The following MSH6 variants were observed in gnomAD, a reference collection of about 807,000 sequenced individuals.
MSH6 encodes the protein DNA mismatch repair protein Msh6.
MSH6 carries 85 observed loss-of-function variants against 119.1 expected under a neutral mutation model. That is an observed-to-expected ratio of 0.71 (90% CI 0.60 to 0.85). The LOEUF is 0.85. Among genes scored for constraint, MSH6 ranks in the 40% least tolerant of loss-of-function variants. MSH6 has a pLI of 0.00. For missense variants in MSH6, 2,163 were observed against 1,655.3 expected (o/e 1.31, Z -5.32); for synonymous variants, 830 against 586.9 (o/e 1.41, Z -5.99).
downstream of MSH6, chr2:47,809,848 C>G (rs570229476): frequency 7.4e-5 from 42 of 571,038 alleles, no homozygotes; most frequent in Non-Finnish European, 1.1e-4. Flanking sequence ...ATGTAGATAC[C>G]TATTTCAACC....
At chr2:47,808,645 T>C (rs948675260), downstream of MSH6, 3 of 460,288 alleles carry the variant, frequency 6.5e-6, no homozygotes, top group East Asian at 1.0e-4. Flanking sequence ...TTGTAAATTG[T>C]ATAAAGGCAG....
At chr2:47,796,353 G>GTAA (rs1030880015) in intron 3 of MSH6, among the ~76,000 whole-genome samples, 2 of 152,072 alleles carry the variant, frequency 1.3e-5, no homozygotes, top group African/African-American at 4.8e-5. Context: ...TAAAGATGGA[G>GTAA]TAATATATAT....
At chr2:47,804,797 T>A in intron 5 of MSH6, 113 bp from the exon 6 acceptor site, 1 of 813,980 alleles carries the variant, frequency 1.2e-6, no homozygotes, top group Admixed American at 1.7e-5. Flanking sequence ...TACATGTGAT[T>A]GTGAAAGTTG....
At chr2:47,798,464 T>G in intron 3 of MSH6, 147 bp from the exon 4 acceptor site, 2 of 785,802 alleles carry the variant, frequency 2.5e-6, no homozygotes, top group Non-Finnish European at 4.1e-6. Context: ...GCCTATCTCA[T>G]GTAATTCATC....
At position 47,806,740 on chromosome 2, in the gene MSH6, A is replaced by T. The variant is rs748354209; in HGVS notation, c.4002-39A>T. 14 of 1,560,624 alleles carry T rather than the reference A, an allele frequency of 9.0e-6. No homozygotes were observed. In the East Asian group the frequency reaches 3.1e-4, roughly 34 times the overall value. On this transcript the variant is annotated intron_variant, in intron 9 of 9. Transcript: ENST00000234420. Reference sequence around the variant, plus strand: ...GGGGAAGGGATGATGCACTATGAAAAAACAAAAAAACTTTTTTTTTTTTTT... The same window carrying T: ...GGGGAAGGGATGATGCACTATGAAATAACAAAAAAACTTTTTTTTTTTTTT...
Position 47,794,624 on chromosome 2 carries a change from G to A in MSH6, c.458-1270G>A, listed in dbSNP as rs77163048. ...TGTTTTGAGAAATAAATTTTAACGC[G>A]TTGAGTCTGAACTGGGCTGCCCTTT... On this transcript the variant is annotated intron_variant, in intron 2 of 9. Transcript: ENST00000234420. 6.0e-3 allele frequency among the ~76,000 whole-genome samples: 918 copies of A among 152,134 alleles called. 10 individuals are homozygous for A. Among genetic ancestry groups the A allele is most frequent in the Non-Finnish European group, 8.2e-3 (558 of 68,002 alleles).
At chr2:47,788,694 C>T (rs1175714909) in intron 1 of MSH6, among the ~76,000 whole-genome samples, 2 of 149,404 alleles carry the variant, frequency 1.3e-5, no homozygotes, top group Non-Finnish European at 3.0e-5. Context: ...TTCAGCCTCC[C>T]GAGTAGCTGG....
downstream of MSH6, chr2:47,809,780 A>T: frequency 1.1e-6 from 1 of 915,922 alleles, no homozygotes; most frequent in South Asian, 1.4e-5. Flanking sequence ...TTAGCAAGCA[A>T]ATGTAAACTG....
At chr2:47,785,794 T>C (rs1668315965) in intron 1 of MSH6, among the ~76,000 whole-genome samples, 1 of 152,206 alleles carries the variant, frequency 6.6e-6, no homozygotes. Context: ...AACGGGTGTA[T>C]TTATTGTAAG....
rs267608092 is a variant in MSH6, at chr2:47,803,552, CTT to C, written c.3311_3312del (p.Phe1104TrpfsTer3). ...TCACGCCATCCTTGCATTACGAAGA[CTT>C]TTTTTGGAGATGATTTTATTCCTAA... On this transcript the variant is annotated frameshift_variant, in exon 5 of 10. Transcript: ENST00000234420. LOFTEE classifies it high-confidence loss of function. 1.2e-6 allele frequency: 2 copies of C among 1,614,052 alleles called. No individual in the cohort carries two copies. The highest frequency in any genetic ancestry group is 1.1e-5 in the South Asian group (1 of 91,068).
rs34793200 is a variant in MSH6 at position 47,793,774 on chromosome 2, A to T, written c.458-2120A>T. Among the ~76,000 whole-genome samples, 855 of 151,484 alleles carry T rather than the reference A, an allele frequency of 5.6e-3. 5 individuals carry two copies. The highest frequency in any genetic ancestry group is 8.2e-3 in the Non-Finnish European group (559 of 67,874). On this transcript the variant is annotated intron_variant, in intron 2 of 9. Coordinates refer to ENST00000234420, the MANE Select transcript of MSH6 (RefSeq NM_000179.3). Reference sequence around the variant, plus strand: ...GCAGCGGAGTCCAGCTTTATCACCCAGGCTGGAGTGGAATGGCACAATCTC... The same window carrying T: ...GCAGCGGAGTCCAGCTTTATCACCCTGGCTGGAGTGGAATGGCACAATCTC...
At chr2:47,805,753 A>T (rs770650947) in intron 7 of MSH6, 46 bp downstream of exon 7, 8 of 1,314,650 alleles carry the variant, frequency 6.1e-6, no homozygotes, top group Non-Finnish European at 7.7e-6. Context: ...TCTTAAAAAC[A>T]TTTGTACAAA....
chr2:47,807,372 T>TTAAAACACTCACTTTTTC (rs1670291467), downstream of MSH6: 1 of 209,716 alleles, frequency 4.8e-6, no homozygotes. Flanking sequence ...GGAAGTCTCA[T>TTAAAACACTCACTTTTTC]TAAAACACTC....
Position 47,805,016 on chromosome 2 carries a change from GAAT to G in MSH6, c.3549_3551del (p.Ile1183del), listed in dbSNP as rs751279985. On this transcript the variant is annotated inframe_deletion, in exon 6 of 10. Coordinates refer to ENST00000234420, the MANE Select transcript of MSH6 (RefSeq NM_000179.3). ...TTTACTAGACTTGGTGCCTCAGACA[GAAT>G]AATGTCAGGTGAGTTTTTTGTTTCC... is the stretch of plus-strand genomic sequence containing the variant. 1.2e-6 allele frequency: 2 copies of G among 1,611,756 alleles called. No homozygotes were observed. The highest frequency in any genetic ancestry group is 1.7e-5 in the Admixed American group (1 of 60,002).
chr2:47,788,324 G>A (rs1269712050), intron 1 of MSH6, among the ~76,000 whole-genome samples: 2 of 136,496 alleles, frequency 1.5e-5, no homozygotes, highest in African/African-American at 2.8e-5. Context: ...GCACGATCTC[G>A]GCTTACTGCA....
intron 7 of MSH6, among the ~76,000 whole-genome samples, 196 bp from the exon 8 acceptor site, chr2:47,806,008 A>G (rs1458839460): frequency 2.0e-5 from 3 of 152,140 alleles, no homozygotes; most frequent in African/African-American, 7.2e-5. Flanking sequence ...GCGATACTGT[A>G]TTTTCTTTAA....
At chr2:47,787,236 C>T (rs1668401256) in intron 1 of MSH6, among the ~76,000 whole-genome samples, 1 of 152,042 alleles carries the variant, frequency 6.6e-6, no homozygotes, top group Non-Finnish European at 1.5e-5. Flanking sequence ...CTGCAGTAAG[C>T]CAAGAGATCA....
intron 3 of MSH6, among the ~76,000 whole-genome samples, chr2:47,796,684 G>T (rs1397614071): frequency 1.3e-5 from 2 of 152,248 alleles, no homozygotes; most frequent in African/African-American, 4.8e-5. Flanking sequence ...TTAGGGGCCA[G>T]GTGTGGTGGT....
At chr2:47,791,398 C>T (rs915075489) in intron 2 of MSH6, among the ~76,000 whole-genome samples, 1 of 152,060 alleles carries the variant, frequency 6.6e-6, no homozygotes, top group African/African-American at 2.4e-5. Flanking sequence ...TAAACTGTCC[C>T]CCCATCTTGA....
Sources: gnomAD v4.1 joint callset for allele counts (sites outside exome capture counted in the v4.1 genomes callset) on GRCh38, gnomAD v4.1.1 for gene constraint, MANE v1.5 for transcripts, NCBI Gene and HGNC (gene_info 2026-07-23, HGNC 2026-07-21) for gene names.